Variants in AADAT observed in about 807,000 individuals in gnomAD.
AADAT encodes the protein aminoadipate aminotransferase, also known as kynurenine/alpha-aminoadipate aminotransferase, mitochondrial.
AADAT carries 25 observed loss-of-function variants against 56.2 expected under a neutral mutation model. The ratio of observed to expected loss-of-function variants is 0.44; its 90% CI spans 0.32 to 0.62. The LOEUF (loss-of-function observed/expected upper bound fraction) is 0.62. Among genes scored for constraint, AADAT ranks in the 20% least tolerant of loss-of-function variants. The pLI is 0.04. For missense variants in AADAT, 387 were observed against 510.5 expected (o/e 0.76, Z 2.33); for synonymous variants, 173 against 164.7 (o/e 1.05, Z -0.39).
chr4:170,069,671 G>A (rs1156465851), intron 6 of AADAT, among the ~76,000 whole-genome samples: 2 of 152,142 alleles, frequency 1.3e-5, no homozygotes, highest in Non-Finnish European at 2.9e-5. Flanking sequence ...GAAAAATGAT[G>A]AGAATGAAGA....
At chr4:170,085,165 T>C (rs1301250851) in intron 3 of AADAT, among the ~76,000 whole-genome samples, 1 of 152,242 alleles carries the variant, frequency 6.6e-6, no homozygotes, top group Non-Finnish European at 1.5e-5. Flanking sequence ...AAAATATGTG[T>C]TAATTGACTA....
rs555032577 is a variant in AADAT, at chr4:170,064,205, TTTA to T, written c.1134+511_1134+513del. ...TCCAAATATCCTACCACGAGTATAC[TTTA>T]TCTCCATCATCAGAAAACAAACCCT... On this transcript the variant is annotated intron_variant, in intron 11 of 12. Coordinates refer to ENST00000337664, the MANE Select transcript of AADAT (RefSeq NM_016228.4). 4.5e-3 allele frequency among the ~76,000 whole-genome samples: 683 copies of T among 152,346 alleles called. 2 individuals are homozygous for T. Among genetic ancestry groups the T allele is most frequent in the Non-Finnish European group, 7.2e-3 (493 of 68,018 alleles).
intron 8 of AADAT, among the ~76,000 whole-genome samples, chr4:170,068,220 A>G (rs976134810): frequency 6.6e-6 from 1 of 152,070 alleles, no homozygotes; most frequent in Non-Finnish European, 1.5e-5. Context: ...AATATGAAAA[A>G]AAGTCTCCAA....
intron 3 of AADAT, among the ~76,000 whole-genome samples, chr4:170,080,002 A>C (rs1157240885): frequency 6.6e-6 from 1 of 152,182 alleles, no homozygotes; most frequent in Non-Finnish European, 1.5e-5. Context: ...AGGACACTGC[A>C]AGGAAGGGAG....
Position 170,088,543 on chromosome 4 carries a change from G to T in AADAT, c.89C>A (p.Pro30Gln). 1 of 1,612,640 alleles carries T rather than the reference G, an allele frequency of 6.2e-7. No homozygotes were observed. The highest frequency in any genetic ancestry group is 1.7e-5 in the Admixed American group (1 of 60,002). ...RTMTDILSRG[P>Q]KSMISLAGGL... ...ACCAGCCAAGGAGATCATCGATTTT[G>T]GTCCTCTGCTCAATATGTCAGCTAC... The change falls in exon 2 of 13, where the codon CCA becomes CAA. Residue 30 changes from proline to glutamine, a missense_variant. Coordinates refer to ENST00000337664, the MANE Select transcript of AADAT (RefSeq NM_016228.4).
In AADAT at chr4:170,087,267, ATT is replaced by A; in HGVS notation, c.237-21_237-20del. The A allele has an allele frequency of 6.2e-7, 1 of 1,603,056 alleles. No individual in the cohort carries two copies. The highest frequency in any genetic ancestry group is 8.5e-7 in the Non-Finnish European group (1 of 1,173,038). The stretch of plus-strand genomic sequence containing the variant: ...TGGAATTCTAAAGCAAAAAATGTAT[ATT>A]TAAATTCATAGTAGTAAAAATCATA... On this transcript the variant is annotated intron_variant, in intron 2 of 12. Transcript: ENST00000337664.
chr4:170,069,320 G>T, intron 6 of AADAT, 90 bp from the exon 7 acceptor site: 2 of 993,806 alleles, frequency 2.0e-6, no homozygotes, highest in Non-Finnish European at 3.0e-6. Flanking sequence ...ACAGGAGATG[G>T]ATTTGGATAA....
chr4:170,075,397 C>T (rs1220056009), intron 4 of AADAT, among the ~76,000 whole-genome samples: 1 of 152,052 alleles, frequency 6.6e-6, no homozygotes, highest in Non-Finnish European at 1.5e-5. Context: ...TGCAGTGGTG[C>T]AATTATGGCT....
chr4:170,086,562 G>T (rs953948172), intron 3 of AADAT, among the ~76,000 whole-genome samples: 1 of 152,138 alleles, frequency 6.6e-6, no homozygotes, highest in Non-Finnish European at 1.5e-5. Flanking sequence ...GAATATGAAA[G>T]CATGCCCTCT....
At chr4:170,088,010 C>T (rs766155092) in intron 2 of AADAT, among the ~76,000 whole-genome samples, 3 of 150,146 alleles carry the variant, frequency 2.0e-5, no homozygotes, top group African/African-American at 7.3e-5. Context: ...CTGGATCTTC[C>T]GTTTCTTCAT....
chr4:170,079,153 G>A (rs1028726470), intron 3 of AADAT, among the ~76,000 whole-genome samples: 4 of 152,156 alleles, frequency 2.6e-5, no homozygotes, highest in Admixed American at 2.0e-4. Flanking sequence ...AAGTACAGAT[G>A]CACAATGACA....
Position 170,088,636 on chromosome 4 carries a change from A to G in AADAT, c.68-72T>C, listed in dbSNP as rs1561026354. 3.4e-6 allele frequency: 5 copies of G among 1,455,582 alleles called. No homozygotes were observed. In the East Asian group the frequency reaches 1.2e-4, roughly 34 times the overall value. The allele number at this position is 1,455,582 out of a possible 1,614,324, so 90.2% of individuals were successfully genotyped here. Reference sequence around the variant, plus strand: ...ATAAGCGGATAGTTAAGCATGCATTATAGTCAATAAAACTATAAAGTTTAA... The same window carrying G: ...ATAAGCGGATAGTTAAGCATGCATTGTAGTCAATAAAACTATAAAGTTTAA... On this transcript the variant is annotated intron_variant, in intron 1 of 12. Coordinates refer to ENST00000337664, the MANE Select transcript of AADAT (RefSeq NM_016228.4).
chr4:170,084,095 G>C (rs111909413), intron 3 of AADAT, among the ~76,000 whole-genome samples: 1 of 152,266 alleles, frequency 6.6e-6, no homozygotes, highest in African/African-American at 2.4e-5. Context: ...AACATGGATA[G>C]AAATGGAGGT....
At chr4:170,066,180 C>CT (rs958933929) in intron 10 of AADAT, among the ~76,000 whole-genome samples, 51 of 145,702 alleles carry the variant, frequency 3.5e-4, no homozygotes, top group Middle Eastern at 3.5e-3. Context: ...ATTTTTAGAT[C>CT]TTTTTTTTTT....
intron 5 of AADAT, among the ~76,000 whole-genome samples, chr4:170,072,706 C>A (rs1731834434): frequency 6.6e-6 from 1 of 152,164 alleles, no homozygotes; most frequent in Admixed American, 6.5e-5. Flanking sequence ...AAAAGCTAGG[C>A]ATCATCGGTA....
At chr4:170,075,596 A>C (rs1731995850) in intron 4 of AADAT, among the ~76,000 whole-genome samples, 1 of 152,252 alleles carries the variant, frequency 6.6e-6, no homozygotes, top group South Asian at 2.1e-4. Flanking sequence ...GGCGTGAGCC[A>C]CCTCGTCTAG....
At chr4:170,071,457 C>A (rs761208649) in intron 5 of AADAT, among the ~76,000 whole-genome samples, 4 of 152,170 alleles carry the variant, frequency 2.6e-5, no homozygotes, top group Non-Finnish European at 5.9e-5. Flanking sequence ...AAGGACAGTG[C>A]GGCTGCCCCA....
upstream of AADAT, among the ~76,000 whole-genome samples, chr4:170,091,244 C>A (rs1434892582): frequency 6.6e-6 from 1 of 152,078 alleles, no homozygotes; most frequent in African/African-American, 2.4e-5. Context: ...GAGGCACGGG[C>A]GGGAACCAGG....
chr4:170,089,529 G>T (rs1732732346), intron 1 of AADAT, 95 bp downstream of exon 1: 28 of 1,409,618 alleles, frequency 2.0e-5, no homozygotes, highest in Non-Finnish European at 2.8e-5. Flanking sequence ...GGTACGCATG[G>T]ATGCAACCAA....
Sources: allele counts gnomAD v4.1 joint callset (sites outside exome capture counted in the v4.1 genomes callset), GRCh38; gene constraint gnomAD v4.1.1; transcripts MANE v1.5; gene names NCBI Gene and HGNC (gene_info 2026-07-23, HGNC 2026-07-21).